Variants in DEPDC5 observed in about 807,000 individuals in gnomAD.
DEPDC5 encodes the protein DEP domain containing 5, GATOR1 subcomplex subunit, also known as GATOR1 complex protein DEPDC5.
DEPDC5 carries 73 observed loss-of-function variants against 217.3 expected under a neutral mutation model. The ratio of observed to expected loss-of-function variants is 0.34; its 90% CI spans 0.28 to 0.41. DEPDC5 has a LOEUF of 0.41. DEPDC5 is among the 10% of genes least tolerant of loss of function. DEPDC5 has a pLI of 1.00. For missense variants in DEPDC5, 1,675 were observed against 2,070.1 expected (o/e 0.81, Z 3.70); for synonymous variants, 733 against 756.7 (o/e 0.97, Z 0.51).
intron 40 of DEPDC5, among the ~76,000 whole-genome samples, chr22:31,900,316 G>A (rs2093626520): frequency 6.6e-6 from 1 of 151,748 alleles, no homozygotes; most frequent in Non-Finnish European, 1.5e-5. Flanking sequence ...CAAAGTGCTG[G>A]GATTACAGGT....
intron 24 of DEPDC5, among the ~76,000 whole-genome samples, chr22:31,832,494 T>TTTTTTC (rs1353036623): frequency 6.6e-6 from 1 of 152,098 alleles, no homozygotes; most frequent in East Asian, 1.9e-4. Flanking sequence ...ACTTTTTTTT[T>TTTTTTC]TTTTTCTTTT....
intron 10 of DEPDC5, among the ~76,000 whole-genome samples, chr22:31,788,441 A>AT (rs570086659): frequency 0.03 from 4,176 of 137,018 alleles, 77 homozygotes; most frequent in African/African-American, 0.053. Flanking sequence ...TGCCCGGGCA[A>AT]TTTTTTTTTT....
chr22:31,791,047 G>A (rs1436360154), intron 10 of DEPDC5, among the ~76,000 whole-genome samples: 1 of 151,928 alleles, frequency 6.6e-6, no homozygotes, highest in African/African-American at 2.4e-5. Flanking sequence ...ACGCCCAGCC[G>A]AAACCCTGTC....
At chr22:31,901,077 T>C (rs909439743) in intron 40 of DEPDC5, among the ~76,000 whole-genome samples, 2 of 152,038 alleles carry the variant, frequency 1.3e-5, no homozygotes, top group African/African-American at 4.8e-5. Flanking sequence ...ACCCCGTCTC[T>C]ACTTAAAATA....
At chr22:31,795,971 C>T (rs2086199306) in intron 12 of DEPDC5, among the ~76,000 whole-genome samples, 1 of 152,088 alleles carries the variant, frequency 6.6e-6, no homozygotes, top group African/African-American at 2.4e-5. Context: ...CTCAGGTGAT[C>T]CCCCCACCTT....
At position 31,908,017 on chromosome 22, in the gene DEPDC5, T is replaced by C. The variant is rs2093776465; in HGVS notation, c.*1520T>C. The C allele has an allele frequency of 6.6e-6, 1 of 152,270 alleles. No individual in the cohort carries two copies. The highest frequency in any genetic ancestry group is 2.1e-4 in the South Asian group (1 of 4,832). The allele number at this position is 152,270 out of a possible 1,614,324, so 9.4% of individuals were successfully genotyped here. A position where few individuals can be genotyped will look rare whatever the true frequency, so the allele number is the denominator to read the frequency against. On this transcript the variant is annotated 3_prime_UTR_variant, in exon 43 of 43. Coordinates refer to ENST00000651528, the MANE Select transcript of DEPDC5 (RefSeq NM_001242896.3). The stretch of plus-strand genomic sequence containing the variant: ...TCAGTCAGTCTTTTTATAAAACCAC[T>C]GTGATTTTGCCCACCACTTAACTAG...
chr22:31,850,939 G>A (rs982584162), intron 31 of DEPDC5, among the ~76,000 whole-genome samples: 6 of 152,030 alleles, frequency 3.9e-5, no homozygotes, highest in Non-Finnish European at 7.4e-5. Context: ...ATGGTGGCAC[G>A]TACCTGTAGT....
At chr22:31,861,221 T>C in intron 32 of DEPDC5, 147 bp from the exon 33 acceptor site, 3 of 565,628 alleles carry the variant, frequency 5.3e-6, no homozygotes, top group Non-Finnish European at 9.6e-6. Flanking sequence ...TCATATGTCC[T>C]TGTTTCTCTC....
At chr22:31,812,498 C>T (rs1023393337) in intron 20 of DEPDC5, among the ~76,000 whole-genome samples, 1 of 144,708 alleles carries the variant, frequency 6.9e-6, no homozygotes, top group Non-Finnish European at 1.5e-5. Flanking sequence ...GATCTCGGCT[C>T]ACTGCAAGCT....
At position 31,873,989 on chromosome 22, in the gene DEPDC5, C is replaced by T. The variant is rs191393964; in HGVS notation, c.3564-284C>T. The T allele has an allele frequency of 3.2e-3, 978 of 309,262 alleles. 16 individuals are homozygous for T. The highest frequency in any genetic ancestry group is 0.02 in the African/African-American group (902 of 44,034). The allele number at this position is 309,262 out of a possible 1,614,324, so 19.2% of individuals were successfully genotyped here. ...TGTATTTTTAGTAGAGACGGGGTTTCGCCATGTTGGTCAGGCTGGTCTCAA... is the reference window on the plus strand; with the variant it reads ...TGTATTTTTAGTAGAGACGGGGTTTTGCCATGTTGGTCAGGCTGGTCTCAA... On this transcript the variant is annotated intron_variant, in intron 35 of 42. Transcript: ENST00000651528.
intron 33 of DEPDC5, among the ~76,000 whole-genome samples, chr22:31,865,555 T>C (rs771210278): frequency 6.6e-6 from 1 of 151,992 alleles, no homozygotes; most frequent in Non-Finnish European, 1.5e-5. Flanking sequence ...AGCGAGGGGT[T>C]AGGATGGACA....
chr22:31,844,639 A>G (rs939279592), intron 29 of DEPDC5: 1 of 211,910 alleles, frequency 4.7e-6, no homozygotes, highest in South Asian at 7.4e-5. Flanking sequence ...CTGGGTGTGC[A>G]GAAGCATTCT....
chr22:31,844,807 G>A (rs542305736), intron 29 of DEPDC5: 12 of 481,916 alleles, frequency 2.5e-5, no homozygotes, highest in African/African-American at 1.7e-4. Context: ...CTCCTGCCTC[G>A]GCCTCCCAAA....
chr22:31,846,229 A>T (rs1378750861), intron 30 of DEPDC5, among the ~76,000 whole-genome samples: 1 of 152,162 alleles, frequency 6.6e-6, no homozygotes, highest in Non-Finnish European at 1.5e-5. Context: ...AGAATCACAT[A>T]ATATGTGACC....
At chr22:31,901,833 A>G in intron 41 of DEPDC5, 31 bp downstream of exon 41, 2 of 1,603,520 alleles carry the variant, frequency 1.2e-6, no homozygotes, top group Non-Finnish European at 1.7e-6. Flanking sequence ...GAAGAGTGGG[A>G]AGGAAATCAG....
chr22:31,870,671 A>C lies in DEPDC5; in HGVS notation c.3412A>C (p.Asn1138His), dbSNP rs541505569. Residue 1138 changes from asparagine (N) to histidine (H), a missense_variant, in exon 34 of 43, where the codon AAC becomes CAC. Physicochemically the swap from Asn to His is moderately conservative, Grantham distance 68. Transcript: ENST00000651528. ...CACAGGCCAATCCATGGACAGAGGC[A>C]ACAGCCAGACCTTTGGGAACTCCCA... is the stretch of plus-strand genomic sequence containing the variant. ...ICTGQSMDRGNSQTFGNSQNI... is the reference protein window; with the variant it reads ...ICTGQSMDRGHSQTFGNSQNI... The C allele has an allele frequency of 6.2e-7, 1 of 1,604,208 alleles. No homozygotes were observed. Among genetic ancestry groups the C allele is most frequent in the East Asian group, 2.3e-5 (1 of 43,756 alleles).
At chr22:31,837,331 T>G in intron 26 of DEPDC5, 176 bp downstream of exon 26, 1 of 656,524 alleles carries the variant, frequency 1.5e-6, no homozygotes, top group South Asian at 2.3e-5. Context: ...AACATTGAAT[T>G]GTATTTTATC....
Position 31,845,115 on chromosome 22 carries a change from G to A in DEPDC5, c.2899G>A (p.Asp967Asn), listed in dbSNP as rs1223250924. 19 of 1,614,030 alleles carry A rather than the reference G, an allele frequency of 1.2e-5. No homozygotes were observed. Among genetic ancestry groups the A allele is most frequent in the East Asian group, 6.7e-5 (3 of 44,902 alleles). ...CATCACGGAGGGGGAGGCCCACTGC[G>A]ACATCTATGGGGACAGGCCCCGTGC... ...KRITEGEAHC[D>N]IYGDRPRADE... is the part of the protein sequence containing the mutation. The change falls in exon 30 of 43, where the codon GAC (aspartate) becomes AAC (asparagine). Residue 967 changes from aspartate to asparagine, a missense_variant. Around this residue, in one of 11 missense-constraint regions of DEPDC5, gnomAD observed 293 missense variants for 386.1 expected, o/e 0.76. Coordinates refer to ENST00000651528, the MANE Select transcript of DEPDC5 (RefSeq NM_001242896.3).
At chr22:31,762,194 T>C (rs1310781308) in intron 4 of DEPDC5, among the ~76,000 whole-genome samples, 1 of 152,090 alleles carries the variant, frequency 6.6e-6, no homozygotes, top group Non-Finnish European at 1.5e-5. Context: ...GCCCACCACA[T>C]TGTGCAAGGT....
Sources: gnomAD v4.1 joint callset for allele counts (sites outside exome capture counted in the v4.1 genomes callset) on GRCh38, gnomAD v4.1.1 for gene constraint, gnomAD v4.1.1 regional missense constraint, MANE v1.5 for transcripts, NCBI Gene and HGNC (gene_info 2026-07-23, HGNC 2026-07-21) for gene names.